COL24A1: variants seen among roughly 807,000 people sequenced by gnomAD.
COL24A1 encodes collagen alpha-1(XXIV) chain.
COL24A1 carries 224 observed loss-of-function variants against 253.9 expected under a neutral mutation model. That is an observed-to-expected ratio of 0.88 (90% confidence interval 0.79 to 0.99). The LOEUF (loss-of-function observed/expected upper bound fraction) is 0.99. Ranked by LOEUF, COL24A1 falls within the 50% of genes least tolerant of loss-of-function variation. The pLI, the probability that COL24A1 is intolerant of heterozygous loss-of-function variation, is 0.00. For synonymous variants in COL24A1, 685 were observed against 673.7 expected (o/e 1.02, Z -0.26); for missense variants, 2,131 against 2,068.5 (o/e 1.03, Z -0.59).
intron 53 of COL24A1, among the ~76,000 whole-genome samples, chr1:85,774,618 G>A (rs1668331885): frequency 6.6e-6 from 1 of 152,128 alleles, no homozygotes; most frequent in Admixed American, 6.6e-5. Flanking sequence ...ATGTGTCCAG[G>A]AATTTATCCA....
rs1651865728 is a variant in COL24A1, at chr1:86,146,248, CA to C, written c.57-66del. 6 of 1,227,514 alleles carry C rather than the reference CA, an allele frequency of 4.9e-6. No individual in the cohort carries two copies. The South Asian group carries it at 7.8e-5, about 16-fold the overall frequency. 76.0% of individuals were successfully genotyped at this position (1,227,514 alleles called of 1,614,324 possible). A position where few individuals can be genotyped will look rare whatever the true frequency, so the allele number is the denominator to read the frequency against. ...TGGACATTTACAACCATATAGAATC[CA>C]AAACAGTCTATGCAAGATTAAGAAT... is the stretch of plus-strand genomic sequence containing the variant. On this transcript the variant is annotated intron_variant, in intron 1 of 59. Coordinates refer to ENST00000370571, the MANE Select transcript of COL24A1 (RefSeq NM_152890.7).
intron 5 of COL24A1, among the ~76,000 whole-genome samples, chr1:86,107,680 G>A (rs906230419): frequency 2.6e-5 from 4 of 151,782 alleles, no homozygotes; most frequent in Non-Finnish European, 4.4e-5. Flanking sequence ...GACTACAGGC[G>A]CCTCCCACCA....
intron 10 of COL24A1, among the ~76,000 whole-genome samples, chr1:86,057,080 G>A (rs1396864122): frequency 6.6e-6 from 1 of 152,126 alleles, no homozygotes. Context: ...GTGTGGCCTG[G>A]TGGGAAGTGA....
intron 2 of COL24A1, among the ~76,000 whole-genome samples, chr1:86,132,744 T>C (rs1365906339): frequency 6.6e-6 from 1 of 152,336 alleles, no homozygotes; most frequent in South Asian, 2.1e-4. Flanking sequence ...TTGGTACCAG[T>C]ACCATGCTGT....
chr1:85,814,706 T>C (rs1436458394), intron 47 of COL24A1, among the ~76,000 whole-genome samples: 1 of 152,204 alleles, frequency 6.6e-6, no homozygotes, highest in Non-Finnish European at 1.5e-5. Flanking sequence ...CTGTCCTTCC[T>C]GAGGGATCTC....
chr1:85,828,907 C>T (rs1355836699), intron 43 of COL24A1, among the ~76,000 whole-genome samples: 2 of 148,898 alleles, frequency 1.3e-5, no homozygotes, highest in Non-Finnish European at 1.5e-5. Context: ...TTAATTGGAG[C>T]ATTTAGTCCA....
At position 86,040,615 on chromosome 1, in the gene COL24A1, G is replaced by C. The variant is rs565889680; in HGVS notation, c.1950+6210C>G. On this transcript the variant is annotated intron_variant, in intron 12 of 59. Coordinates refer to ENST00000370571, the MANE Select transcript of COL24A1 (RefSeq NM_152890.7). ...TCCAAATTATAACATGTAGTTCATT[G>C]GGTGTCCTTCTTCTTAGTGTCTATG... Among the ~76,000 whole-genome samples, 6 of 151,870 alleles carry C rather than the reference G, an allele frequency of 4.0e-5. No individual in the cohort carries two copies. The South Asian group carries it at 1.3e-3, about 32-fold the overall frequency.
intron 47 of COL24A1, among the ~76,000 whole-genome samples, chr1:85,787,877 A>G (rs1292023869): frequency 6.6e-6 from 1 of 152,146 alleles, no homozygotes; most frequent in Non-Finnish European, 1.5e-5. Flanking sequence ...ATTTCTCTGC[A>G]GCCCTGCAAG....
intron 47 of COL24A1, among the ~76,000 whole-genome samples, chr1:85,807,895 C>A (rs1201484066): frequency 6.6e-6 from 1 of 152,144 alleles, no homozygotes; most frequent in Non-Finnish European, 1.5e-5. Context: ...ATGATAATCC[C>A]TGGAAATAAA....
chr1:85,826,689 T>G (rs1417761684), intron 43 of COL24A1, among the ~76,000 whole-genome samples: 1 of 151,690 alleles, frequency 6.6e-6, no homozygotes, highest in Non-Finnish European at 1.5e-5. Context: ...TTGAAGCAAT[T>G]GTGAATGGGA....
chr1:86,090,804 G>A (rs764309078), intron 6 of COL24A1, among the ~76,000 whole-genome samples: 3 of 151,970 alleles, frequency 2.0e-5, no homozygotes, highest in Non-Finnish European at 4.4e-5. Flanking sequence ...ATATGTTTCT[G>A]TTATAGTTTT....
intron 47 of COL24A1, among the ~76,000 whole-genome samples, chr1:85,796,661 T>C (rs1230190089): frequency 6.6e-6 from 1 of 152,214 alleles, no homozygotes; most frequent in Non-Finnish European, 1.5e-5. Flanking sequence ...AAACAAATTA[T>C]TTTTTGAATG....
chr1:85,991,578 T>C (rs1694277443), intron 19 of COL24A1, among the ~76,000 whole-genome samples: 1 of 152,192 alleles, frequency 6.6e-6, no homozygotes, highest in Non-Finnish European at 1.5e-5. Context: ...TTTTGTATAG[T>C]TTTATGTGTC....
At chr1:85,866,817 T>A (rs1679848730) in intron 37 of COL24A1, among the ~76,000 whole-genome samples, 1 of 152,090 alleles carries the variant, frequency 6.6e-6, no homozygotes, top group Non-Finnish European at 1.5e-5. Context: ...GATTCCTAAG[T>A]ACTTTGTATT....
intron 24 of COL24A1, among the ~76,000 whole-genome samples, chr1:85,934,939 T>G: frequency 6.6e-6 from 1 of 151,692 alleles, no homozygotes. Flanking sequence ...TGATTCCACA[T>G]CTAACACACA....
chr1:85,806,553 T>C (rs765983956), intron 47 of COL24A1, among the ~76,000 whole-genome samples: 2 of 152,344 alleles, frequency 1.3e-5, no homozygotes, highest in Non-Finnish European at 2.9e-5. Flanking sequence ...AATTTATGAA[T>C]ACCAAAATTC....
In COL24A1 at chr1:85,755,244, A is replaced by G. The variant is rs138292547; in HGVS notation, c.4437+6152T>C. Among the ~76,000 whole-genome samples the G allele has an allele frequency of 5.8e-3, 891 of 152,316 alleles. 10 individuals carry two copies. The highest frequency in any genetic ancestry group is 0.02 in the African/African-American group (848 of 41,572). ...GGAAATATTAATATATTCCCAGTTA[A>G]ATAAAAACCAAGACAATTTATCACT... is the stretch of plus-strand genomic sequence containing the variant. On this transcript the variant is annotated intron_variant, in intron 55 of 59. Coordinates refer to ENST00000370571, the MANE Select transcript of COL24A1 (RefSeq NM_152890.7).
chr1:86,019,159 C>T (rs1265379859), intron 18 of COL24A1, among the ~76,000 whole-genome samples: 1 of 152,098 alleles, frequency 6.6e-6, no homozygotes, highest in East Asian at 1.9e-4. Context: ...GAGTTTGTTT[C>T]TTAATATAAT....
At chr1:85,964,309 A>G (rs2100703456) in intron 23 of COL24A1, among the ~76,000 whole-genome samples, 1 of 152,242 alleles carries the variant, frequency 6.6e-6, no homozygotes, top group African/African-American at 2.4e-5. Flanking sequence ...AAGACCTTGG[A>G]AATAAAGTAA....
Sources: allele counts gnomAD v4.1 joint callset (sites outside exome capture counted in the v4.1 genomes callset), GRCh38; gene constraint gnomAD v4.1.1; transcripts MANE v1.5; gene names NCBI Gene and HGNC (gene_info 2026-07-23, HGNC 2026-07-21).